TNFRSF11A: variants seen among roughly 807,000 people sequenced by gnomAD.
The protein encoded by TNFRSF11A is tumor necrosis factor receptor superfamily member 11A.
In TNFRSF11A, 32 loss-of-function variants were observed where a neutral mutation model predicts 55.7. The ratio of observed to expected loss-of-function variants is 0.57; its 90% confidence interval spans 0.43 to 0.77. TNFRSF11A has a LOEUF of 0.77. Among genes scored for constraint, TNFRSF11A ranks in the 30% least tolerant of loss-of-function variants. The pLI, the probability that TNFRSF11A is intolerant of heterozygous loss-of-function variation, is 0.00. For missense variants in TNFRSF11A, 753 were observed against 809.8 expected (o/e 0.93, Z 0.85); for synonymous variants, 311 against 331.0 (o/e 0.94, Z 0.65).
intron 4 of TNFRSF11A, among the ~76,000 whole-genome samples, chr18:62,354,781 C>A (rs1909132378): frequency 6.6e-6 from 1 of 152,156 alleles, no homozygotes; most frequent in Non-Finnish European, 1.5e-5. Flanking sequence ...CTGGCCATGG[C>A]CAGGGGTTGC....
chr18:62,366,857 C>A, intron 8 of TNFRSF11A, 97 bp downstream of exon 8: 1 of 1,307,296 alleles, frequency 7.6e-7, no homozygotes, highest in Non-Finnish European at 1.1e-6. Context: ...CCCCCACCCC[C>A]ACTTTTTTTG....
Position 62,368,972 on chromosome 18 carries a change from G to A in TNFRSF11A, c.1055G>A (p.Arg352Lys). ...QMPTEDEYMD[R>K]PSQPTDQLLF... The stretch of plus-strand genomic sequence containing the variant: ...CCCACAGAAGATGAATACATGGACA[G>A]GCCCTCCCAGCCCACAGACCAGTTA... The change falls in exon 9 of 10, where the codon AGG becomes AAG. Residue 352 changes from arginine (R) to lysine (K), a missense_variant. Arg to Lys is a conservative substitution (Grantham distance 26, BLOSUM62 2). Transcript: ENST00000586569. The A allele has an allele frequency of 6.2e-7, 1 of 1,614,232 alleles. No homozygotes were observed. The highest frequency in any genetic ancestry group is 8.5e-7 in the Non-Finnish European group (1 of 1,180,044).
rs1471754750 is a variant in TNFRSF11A at position 62,349,794 on chromosome 18, C to T, written c.158-18C>T. ...TTGGTTTTTTGATGGTTGCATTTTT[C>T]TCCCTCATTTTTTTAAGGAAAGTAC... On this transcript the variant is annotated intron_variant, in intron 2 of 9. Transcript: ENST00000586569. 3 of 1,613,232 alleles carry T rather than the reference C, an allele frequency of 1.9e-6. No individual in the cohort carries two copies. Among genetic ancestry groups the T allele is most frequent in the African/African-American group, 2.7e-5 (2 of 74,842 alleles).
intron 1 of TNFRSF11A, among the ~76,000 whole-genome samples, chr18:62,334,019 C>T (rs2046194427): frequency 6.6e-6 from 1 of 152,056 alleles, no homozygotes; most frequent in Admixed American, 6.6e-5. Context: ...GTGCTCGTCA[C>T]CATGCCAGGC....
intron 1 of TNFRSF11A, among the ~76,000 whole-genome samples, chr18:62,343,257 T>C (rs1439491334): frequency 1.3e-5 from 2 of 152,204 alleles, no homozygotes; most frequent in African/African-American, 2.4e-5. Context: ...AAATCCCTCA[T>C]TTGTTCTTCT....
chr18:62,338,396 C>T (rs1185436863), intron 1 of TNFRSF11A, among the ~76,000 whole-genome samples: 1 of 152,090 alleles, frequency 6.6e-6, no homozygotes, highest in Non-Finnish European at 1.5e-5. Context: ...TTCACTGTAG[C>T]CAAAAGGTAG....
At position 62,390,476 on chromosome 18, in the gene TNFRSF11A, C is replaced by A. The variant is rs539558350; in HGVS notation, c.*5442C>A. On this transcript the variant is annotated 3_prime_UTR_variant, in exon 10 of 10. Transcript: ENST00000586569. ...CTCTCCCCGTTTGGGAAGAATAACA[C>A]ATTGACCACCGGCTCAGAGGAGGTG... The A allele has an allele frequency of 5.9e-5, 9 of 152,350 alleles. No homozygotes were observed. Among genetic ancestry groups the A allele is most frequent in the African/African-American group, 2.2e-4 (9 of 41,576 alleles). The allele number at this position is 152,350 out of a possible 1,614,324, so 9.4% of individuals were successfully genotyped here.
At chr18:62,363,838 C>A (rs1277140594) in intron 7 of TNFRSF11A, among the ~76,000 whole-genome samples, 3 of 152,170 alleles carry the variant, frequency 2.0e-5, no homozygotes, top group Non-Finnish European at 2.9e-5. Flanking sequence ...ATGTTTTGTT[C>A]TTTAGGTTTT....
Position 62,349,876 on chromosome 18 carries a change from T to A in TNFRSF11A, c.222T>A (p.Asp74Glu), listed in dbSNP as rs1390149552. The change falls in exon 3 of 10, where the codon GAT becomes GAA. Residue 74 changes from aspartate to glutamate, a missense_variant. By Grantham distance (45) the Asp-to-Glu change is conservative. Around this residue, in one of 3 missense-constraint regions of TNFRSF11A, gnomAD observed 156 missense variants for 155.1 expected, o/e 1.01. Transcript: ENST00000586569. ...GTGTATGTCTGCCCTGTGGCCCGGA[T>A]GAATACTTGGATAGCTGGAATGAAG... ...SDSVCLPCGPDEYLDSWNEED... is the reference protein window; with the variant it reads ...SDSVCLPCGPEEYLDSWNEED... 1 of 1,614,094 alleles carries A rather than the reference T, an allele frequency of 6.2e-7. No homozygotes were observed. Among genetic ancestry groups the A allele is most frequent in the Non-Finnish European group, 8.5e-7 (1 of 1,180,004 alleles).
Position 62,352,709 on chromosome 18 carries a change from GT to G in TNFRSF11A, c.284-1680del, listed in dbSNP as rs1297410178. ...CATGTGTCTGTGGACGTTCCCATGT[GT>G]TGTGGACATGTTTTTGCATTTTGGC... is the stretch of plus-strand genomic sequence containing the variant. On this transcript the variant is annotated intron_variant, in intron 3 of 9. Coordinates refer to ENST00000586569, the MANE Select transcript of TNFRSF11A (RefSeq NM_003839.4). 2.0e-5 allele frequency among the ~76,000 whole-genome samples: 3 copies of G among 152,226 alleles called. No individual in the cohort carries two copies. The East Asian group carries it at 5.8e-4, about 29-fold the overall frequency.
chr18:62,374,187 A>G (rs1161649022), intron 9 of TNFRSF11A: 1 of 152,226 alleles, frequency 6.6e-6, no homozygotes, highest in Admixed American at 6.5e-5. Flanking sequence ...TATACAAAAA[A>G]TGTGGTCACT....
intron 1 of TNFRSF11A, among the ~76,000 whole-genome samples, chr18:62,334,131 G>T (rs2046196360): frequency 6.6e-6 from 1 of 152,162 alleles, no homozygotes; most frequent in Non-Finnish European, 1.5e-5. Context: ...CTCCCAAAGT[G>T]CTGGGATTGC....
rs1431878074 is a variant in TNFRSF11A at position 62,349,698 on chromosome 18, C to T, written c.158-114C>T. ...TTGGGGGGTGTCCTGGGATCATGGG[C>T]ACCAATGATTATTGGTCCCATAGAT... On this transcript the variant is annotated intron_variant, in intron 2 of 9. Transcript: ENST00000586569. 3 of 1,186,022 alleles carry T rather than the reference C, an allele frequency of 2.5e-6. No homozygotes were observed. In the African/African-American group the frequency reaches 4.5e-5, roughly 18 times the overall value. The allele number at this position is 1,186,022 out of a possible 1,614,324, so 73.5% of individuals were successfully genotyped here. A position where few individuals can be genotyped will look rare whatever the true frequency, so the allele number is the denominator to read the frequency against.
intron 9 of TNFRSF11A, chr18:62,373,091 T>C (rs1162428554): frequency 6.6e-6 from 1 of 152,202 alleles, no homozygotes; most frequent in Non-Finnish European, 1.5e-5. Flanking sequence ...TAATGAATCT[T>C]GGGGTCTTTC....
chr18:62,357,199 C>A (rs777880941), intron 4 of TNFRSF11A, among the ~76,000 whole-genome samples: 2 of 152,090 alleles, frequency 1.3e-5, no homozygotes, highest in Non-Finnish European at 2.9e-5. Flanking sequence ...GTTTTATTCA[C>A]GAAAGTAAAT....
chr18:62,380,030 G>A lies in TNFRSF11A; in HGVS notation c.1568-4721G>A, dbSNP rs144609925. On this transcript the variant is annotated intron_variant, in intron 9 of 9. Coordinates refer to ENST00000586569, the MANE Select transcript of TNFRSF11A (RefSeq NM_003839.4). ...CTCCTAAGAGTTGCCCGCGCCTTCAGGACTGGTGACATAACTGACATAGCC... is the reference window on the plus strand; with the variant it reads ...CTCCTAAGAGTTGCCCGCGCCTTCAAGACTGGTGACATAACTGACATAGCC... 2.4e-3 allele frequency among the ~76,000 whole-genome samples: 366 copies of A among 152,294 alleles called. 4 individuals are homozygous for A. The highest frequency in any genetic ancestry group is 8.4e-3 in the African/African-American group (351 of 41,546).
In TNFRSF11A at chr18:62,369,047, C is replaced by A; in HGVS notation, c.1130C>A (p.Pro377His). The change falls in exon 9 of 10, where the codon CCC becomes CAC. Residue 377 changes from proline to histidine, a missense_variant. By Grantham distance (77) the Pro-to-His change is moderately conservative. Around this residue, in one of 3 missense-constraint regions of TNFRSF11A, gnomAD observed 567 missense variants for 596.7 expected, o/e 0.95. Transcript: ENST00000586569. The part of the protein sequence containing the change: ...GSKSTPPFSE[P>H]LEVGENDSLS... ...AAATCCACACCTCCTTTCTCTGAAC[C>A]CCTGGAGGTGGGGGAGAATGACAGT... The A allele has an allele frequency of 6.2e-7, 1 of 1,614,214 alleles. No individual in the cohort carries two copies. The highest frequency in any genetic ancestry group is 8.5e-7 in the Non-Finnish European group (1 of 1,180,044).
At chr18:62,334,986 C>G (rs969323311) in intron 1 of TNFRSF11A, among the ~76,000 whole-genome samples, 2 of 152,124 alleles carry the variant, frequency 1.3e-5, no homozygotes, top group African/African-American at 2.4e-5. Flanking sequence ...ACAGCTGGAA[C>G]CTCTGTCTTA....
At chr18:62,326,841 CTAGGAACCT>C (rs900220670) in intron 1 of TNFRSF11A, among the ~76,000 whole-genome samples, 1 of 152,106 alleles carries the variant, frequency 6.6e-6, no homozygotes, top group African/African-American at 2.4e-5. Context: ...AGCGAACCTT[CTAGGAACCT>C]TATGAATTCC....
Sources: gnomAD v4.1 joint callset for allele counts (sites outside exome capture counted in the v4.1 genomes callset) on GRCh38, gnomAD v4.1.1 for gene constraint, gnomAD v4.1.1 regional missense constraint, MANE v1.5 for transcripts, NCBI Gene and HGNC (gene_info 2026-07-23, HGNC 2026-07-21) for gene names.